GALNT17: variants seen among roughly 807,000 people sequenced by gnomAD.
GALNT17 encodes the protein polypeptide N-acetylgalactosaminyltransferase 17, also known as UDP-GalNAc:polypeptide N-acetylgalactosaminyltransferase-like 3.
In GALNT17, 29 loss-of-function variants were observed where a neutral mutation model predicts 63.7. The observed-to-expected ratio is 0.46, with a 90% CI of 0.34 to 0.62. The LOEUF is 0.62. GALNT17 is among the 20% of genes least tolerant of loss of function. The pLI is 0.01. For synonymous variants in GALNT17, 305 were observed against 318.3 expected (o/e 0.96, Z 0.45); for missense variants, 603 against 799.6 (o/e 0.75, Z 2.97).
chr7:71,461,745 C>T (rs753227790), intron 5 of GALNT17, among the ~76,000 whole-genome samples: 7 of 152,176 alleles, frequency 4.6e-5, no homozygotes, highest in Non-Finnish European at 8.8e-5. Flanking sequence ...GGCTGCCAGG[C>T]GGGTCCTCCT....
intron 6 of GALNT17, among the ~76,000 whole-genome samples, chr7:71,663,481 G>A (rs1790938311): frequency 6.6e-6 from 1 of 152,050 alleles, no homozygotes; most frequent in Non-Finnish European, 1.5e-5. Context: ...GCCAACATTT[G>A]GCCTCCTTGA....
At chr7:71,346,045 A>T (rs1199782551) in intron 2 of GALNT17, among the ~76,000 whole-genome samples, 1 of 136,902 alleles carries the variant, frequency 7.3e-6, no homozygotes. Flanking sequence ...AAAAAAAAAA[A>T]AGCTGGATAT....
intron 1 of GALNT17, among the ~76,000 whole-genome samples, chr7:71,226,687 C>G (rs1419377976): frequency 6.6e-6 from 1 of 152,102 alleles, no homozygotes; most frequent in East Asian, 1.9e-4. Flanking sequence ...GCCATGTTGG[C>G]CAGGCTGGTC....
intron 3 of GALNT17, among the ~76,000 whole-genome samples, chr7:71,408,176 G>A (rs899415956): frequency 7.2e-5 from 11 of 152,132 alleles, no homozygotes; most frequent in African/African-American, 1.2e-4. Flanking sequence ...TAGGGATACC[G>A]AGAAAGGAGC....
chr7:71,357,400 C>T (rs1792307318), intron 2 of GALNT17, among the ~76,000 whole-genome samples: 2 of 152,142 alleles, frequency 1.3e-5, no homozygotes, highest in Non-Finnish European at 1.5e-5. Flanking sequence ...GCAGTCTCAT[C>T]CTGAAACCAT....
intron 1 of GALNT17, among the ~76,000 whole-genome samples, chr7:71,303,888 G>A (rs1307708786): frequency 6.6e-6 from 1 of 152,120 alleles, no homozygotes; most frequent in African/African-American, 2.4e-5. Flanking sequence ...ATAGCTAAAC[G>A]CCTCCGGGGC....
intron 5 of GALNT17, among the ~76,000 whole-genome samples, chr7:71,567,463 T>TTTTG (rs924409105): frequency 2.6e-5 from 4 of 152,204 alleles, no homozygotes; most frequent in African/African-American, 4.8e-5. Flanking sequence ...GTAGAGATTT[T>TTTTG]TTTGTTTGTT....
chr7:71,323,803 C>A (rs909858345), intron 1 of GALNT17, among the ~76,000 whole-genome samples: 5 of 152,222 alleles, frequency 3.3e-5, no homozygotes, highest in African/African-American at 4.8e-5. Flanking sequence ...GCCGTCCAAT[C>A]GTATCTATGA....
intron 1 of GALNT17, among the ~76,000 whole-genome samples, chr7:71,312,321 AGTCCCAACTTTG>A (rs987344069): frequency 1.3e-5 from 2 of 152,200 alleles, no homozygotes; most frequent in Non-Finnish European, 2.9e-5. Flanking sequence ...TCCCAGGCCA[AGTCCCAACTTTG>A]GGGCTCACCT....
At chr7:71,643,465 CA>C (rs1454283451) in intron 6 of GALNT17, among the ~76,000 whole-genome samples, 3 of 151,958 alleles carry the variant, frequency 2.0e-5, no homozygotes, top group Admixed American at 6.6e-5. Context: ...GAGACTCTGT[CA>C]AAAAACAAAA....
At chr7:71,438,091 G>T (rs1786998429) in intron 5 of GALNT17, among the ~76,000 whole-genome samples, 1 of 152,098 alleles carries the variant, frequency 6.6e-6, no homozygotes. Flanking sequence ...GGTGGATTTG[G>T]ACTATGTGAT....
At chr7:71,283,177 G>A (rs537342149) in intron 1 of GALNT17, among the ~76,000 whole-genome samples, 1 of 151,988 alleles carries the variant, frequency 6.6e-6, no homozygotes, top group East Asian at 1.9e-4. Flanking sequence ...GGGACTGTAG[G>A]TGTGGGCCAC....
At chr7:71,664,163 C>T (rs1339488934) in intron 6 of GALNT17, among the ~76,000 whole-genome samples, 1 of 152,078 alleles carries the variant, frequency 6.6e-6, no homozygotes, top group East Asian at 1.9e-4. Context: ...CATCCTTGGG[C>T]TTTTGCATCC....
chr7:71,494,709 C>T (rs543378480), intron 5 of GALNT17, among the ~76,000 whole-genome samples: 155 of 152,006 alleles, frequency 1.0e-3, no homozygotes, highest in Admixed American at 1.3e-3. Flanking sequence ...TGTTCTCATA[C>T]TGCTAATAAA....
intron 6 of GALNT17, among the ~76,000 whole-genome samples, chr7:71,642,564 C>T (rs1790619060): frequency 1.3e-5 from 2 of 152,166 alleles, no homozygotes; most frequent in African/African-American, 4.8e-5. Flanking sequence ...TGACTGGGTG[C>T]AGTGACTCAC....
intron 1 of GALNT17, among the ~76,000 whole-genome samples, chr7:71,141,683 T>C (rs1018129898): frequency 3.3e-4 from 50 of 150,764 alleles, no homozygotes; most frequent in African/African-American, 9.5e-4. Flanking sequence ...TTCTTTCTTT[T>C]TTTTTTTTTT....
chr7:71,617,209 G>A (rs895038835), intron 6 of GALNT17, among the ~76,000 whole-genome samples: 3 of 150,666 alleles, frequency 2.0e-5, no homozygotes, highest in African/African-American at 7.3e-5. Context: ...TTTGTTACAT[G>A]GGAATATTGC....
chr7:71,199,875 G>A (rs1169147686), intron 1 of GALNT17, among the ~76,000 whole-genome samples: 2 of 152,054 alleles, frequency 1.3e-5, no homozygotes, highest in Admixed American at 1.3e-4. Context: ...AGACCATGTC[G>A]CCATCCTCAA....
At chr7:71,406,559 G>A (rs149448139) in intron 3 of GALNT17, among the ~76,000 whole-genome samples, 4 of 152,190 alleles carry the variant, frequency 2.6e-5, no homozygotes, top group East Asian at 3.9e-4. Flanking sequence ...ATATGCAACC[G>A]AGTTTCTCCC....
Sources: gnomAD v4.1 joint callset for allele counts (sites outside exome capture counted in the v4.1 genomes callset) on GRCh38, gnomAD v4.1.1 for gene constraint, MANE v1.5 for transcripts, NCBI Gene and HGNC (gene_info 2026-07-23, HGNC 2026-07-21) for gene names.